Variants in EYS observed in about 807,000 individuals in gnomAD.
The protein encoded by EYS is EGF-like photoreceptor maintenance factor.
In EYS, 250 loss-of-function variants were observed where a neutral mutation model predicts 282.1. The ratio of observed to expected loss-of-function variants is 0.89; its 90% CI spans 0.80 to 0.98. EYS has a LOEUF of 0.98. Ranked by LOEUF, EYS falls within the 50% of genes least tolerant of loss-of-function variation. The pLI is 0.00. For synonymous variants in EYS, 1,355 were observed against 1,282.9 expected, an observed-to-expected ratio of 1.06 and a Z score of -1.20; for missense variants, 4,016 against 3,709.0, an observed-to-expected ratio of 1.08 and a Z score of -2.15.
intron 26 of EYS, among the ~76,000 whole-genome samples, chr6:64,541,454 A>G (rs775961883): frequency 6.6e-6 from 1 of 152,178 alleles, no homozygotes; most frequent in Admixed American, 6.5e-5. Context: ...AAGAGTGGTC[A>G]TCTACCTCTC....
At chr6:65,498,073 T>C (rs781326599) in intron 2 of EYS, among the ~76,000 whole-genome samples, 7 of 152,022 alleles carry the variant, frequency 4.6e-5, no homozygotes, top group Admixed American at 6.6e-5. Context: ...GTAGAATTAC[T>C]ACATCTCCAA....
At chr6:64,220,008 A>T (rs1766049119) in intron 31 of EYS, among the ~76,000 whole-genome samples, 1 of 152,128 alleles carries the variant, frequency 6.6e-6, no homozygotes, top group South Asian at 2.1e-4. Context: ...AGGAAGGGGA[A>T]CATCACACAC....
chr6:64,300,885 G>T (rs2150372338), intron 30 of EYS, among the ~76,000 whole-genome samples: 1 of 152,240 alleles, frequency 6.6e-6, no homozygotes, highest in South Asian at 2.1e-4. Flanking sequence ...ATTAAAAAGG[G>T]TGTCCTCAAG....
At chr6:64,014,804 GT>G (rs1391202964) in intron 33 of EYS, among the ~76,000 whole-genome samples, 1 of 150,500 alleles carries the variant, frequency 6.6e-6, no homozygotes, top group Non-Finnish European at 1.5e-5. Context: ...GGTTTCTGAG[GT>G]TTTAGGTACA....
intron 5 of EYS, among the ~76,000 whole-genome samples, chr6:65,460,404 C>A (rs886981425): frequency 6.6e-6 from 1 of 151,858 alleles, no homozygotes; most frequent in Non-Finnish European, 1.5e-5. Context: ...CCTTGTTCTC[C>A]CATCTTGATT....
In EYS at chr6:64,942,835, A is replaced by C. The variant is rs572163480; in HGVS notation, c.2381+2958T>G. ...TTCTACTGTAACTCTTCCAAAAAAA[A>C]AAAAAAAACAAAAATGAAGTCGAAG... On this transcript the variant is annotated intron_variant, in intron 15 of 42. Transcript: ENST00000503581. Among the ~76,000 whole-genome samples, 69 of 146,758 alleles carry C rather than the reference A, an allele frequency of 4.7e-4. 1 individual carries two copies. The highest frequency in any genetic ancestry group is 3.4e-3 in the Middle Eastern group (1 of 290).
chr6:63,835,481 A>T (rs1771781129), intron 36 of EYS, among the ~76,000 whole-genome samples: 1 of 152,038 alleles, frequency 6.6e-6, no homozygotes, highest in African/African-American at 2.4e-5. Context: ...TAACTCAGGA[A>T]TGAAAAATCA....
At chr6:65,334,068 G>A (rs759376263) in intron 11 of EYS, among the ~76,000 whole-genome samples, 2 of 151,414 alleles carry the variant, frequency 1.3e-5, no homozygotes, top group Non-Finnish European at 3.0e-5. Context: ...CAGTCTAAAC[G>A]TCTCTAAATT....
chr6:65,385,038 T>C (rs1481706180), intron 7 of EYS, among the ~76,000 whole-genome samples: 1 of 151,920 alleles, frequency 6.6e-6, no homozygotes, highest in Admixed American at 6.6e-5. Context: ...TTTCATTAAC[T>C]GCAATCTATA....
chr6:64,361,010 A>G (rs1331731896), intron 29 of EYS, among the ~76,000 whole-genome samples: 1 of 151,650 alleles, frequency 6.6e-6, no homozygotes, highest in Non-Finnish European at 1.5e-5. Context: ...CCTGAGGAAA[A>G]TCAATCTCAG....
chr6:64,771,814 G>T (rs943139085), intron 22 of EYS, among the ~76,000 whole-genome samples: 3 of 151,696 alleles, frequency 2.0e-5, no homozygotes, highest in African/African-American at 4.8e-5. Flanking sequence ...TCAAAAGAAG[G>T]CTCCCTTTTT....
intron 5 of EYS, among the ~76,000 whole-genome samples, chr6:65,443,583 C>G (rs1254503986): frequency 6.6e-6 from 1 of 151,498 alleles, no homozygotes; most frequent in Non-Finnish European, 1.5e-5. Flanking sequence ...TGTGTATATA[C>G]ACATATACAT....
intron 35 of EYS, among the ~76,000 whole-genome samples, chr6:63,866,872 G>T (rs1022268868): frequency 6.6e-6 from 1 of 152,184 alleles, no homozygotes; most frequent in Non-Finnish European, 1.5e-5. Context: ...ACTTCAAATT[G>T]TACCTCAAAG....
chr6:63,847,978 C>A (rs66960758), intron 36 of EYS, among the ~76,000 whole-genome samples: 18,496 of 152,078 alleles, frequency 0.12, 1,355 homozygotes, highest in African/African-American at 0.2. Flanking sequence ...TCAAAACAAA[C>A]CGAGTGATAT....
chr6:65,151,881 C>G (rs9453207), intron 12 of EYS, among the ~76,000 whole-genome samples: 2 of 151,652 alleles, frequency 1.3e-5, no homozygotes, highest in Non-Finnish European at 2.9e-5. Flanking sequence ...ACTTATATTA[C>G]TGGTTCAGAT....
chr6:65,294,601 T>C (rs1254611109), intron 12 of EYS, among the ~76,000 whole-genome samples: 4 of 151,832 alleles, frequency 2.6e-5, no homozygotes, highest in Non-Finnish European at 4.4e-5. Context: ...ATAAAAATAA[T>C]AGATGATTCA....
At chr6:64,609,036 T>A (rs1767023444) in intron 24 of EYS, among the ~76,000 whole-genome samples, 1 of 152,170 alleles carries the variant, frequency 6.6e-6, no homozygotes, top group Non-Finnish European at 1.5e-5. Context: ...TGAACTCTAA[T>A]GTGAACTACA....
chr6:65,289,553 A>T (rs1768465036), intron 12 of EYS, among the ~76,000 whole-genome samples: 1 of 151,144 alleles, frequency 6.6e-6, no homozygotes, highest in African/African-American at 2.4e-5. Flanking sequence ...CCAGCCTGAT[A>T]TATATACCAC....
intron 14 of EYS, among the ~76,000 whole-genome samples, chr6:64,955,351 T>A (rs1403123245): frequency 1.3e-5 from 2 of 151,740 alleles, no homozygotes; most frequent in Non-Finnish European, 2.9e-5. Flanking sequence ...AAAAAAAAAT[T>A]CCATATTCAT....
Sources: allele counts gnomAD v4.1 joint callset (sites outside exome capture counted in the v4.1 genomes callset), GRCh38; gene constraint gnomAD v4.1.1; transcripts MANE v1.5; gene names NCBI Gene and HGNC (gene_info 2026-07-23, HGNC 2026-07-21).